CORO7: variants seen among roughly 807,000 people sequenced by gnomAD.
CORO7 encodes coronin-7.
Under a neutral mutation model 126.6 loss-of-function variants are expected in CORO7, and 107 were observed. The ratio of observed to expected loss-of-function variants is 0.85; its 90% CI spans 0.72 to 0.99. CORO7 has a LOEUF of 0.99. Among genes scored for constraint, CORO7 ranks in the 50% least tolerant of loss-of-function variants. The pLI, the probability that CORO7 is intolerant of heterozygous loss-of-function variation, is 0.00. For missense variants in CORO7, 1,314 were observed against 1,255.8 expected (o/e 1.05, Z -0.70); for synonymous variants, 603 against 536.8 (o/e 1.12, Z -1.70).
chr16:4,409,186 C>T (rs1316278339), intron 3 of CORO7, among the ~76,000 whole-genome samples: 2 of 152,182 alleles, frequency 1.3e-5, no homozygotes, highest in African/African-American at 4.8e-5. Context: ...CCCAACAGGG[C>T]TGAGCAGGAC....
intron 6 of CORO7, 31 bp from the exon 7 acceptor site, chr16:4,395,370 C>A (rs200435882): frequency 1.2e-6 from 2 of 1,613,722 alleles, no homozygotes; most frequent in African/African-American, 1.3e-5. Flanking sequence ...AAACAACTTG[C>A]GATTAGGGCT....
intron 3 of CORO7, among the ~76,000 whole-genome samples, chr16:4,409,732 C>T (rs1250372841): frequency 1.3e-5 from 2 of 152,234 alleles, no homozygotes; most frequent in African/African-American, 2.4e-5. Context: ...ACATCAGAAA[C>T]GCACCCAGAA....
chr16:4,388,052 A>C lies in CORO7; in HGVS notation c.719T>G (p.Val240Gly). The change falls in exon 9 of 28, where the codon GTG (valine) becomes GGG (glycine). Residue 240 changes from valine to glycine, a missense_variant. Transcript: ENST00000251166. Reference sequence around the variant, plus strand: ...GAAGAACCGCGTGTCCCACAGCTTCACTTCGCGCTCACGCATCTGCAGGGA... The same window carrying C: ...GAAGAACCGCGTGTCCCACAGCTTCCCTTCGCGCTCACGCATCTGCAGGGA... ...TGFNQMRERE[V>G]KLWDTRFFSS... is the part of the protein sequence containing the mutation. 6.2e-7 allele frequency: 1 copy of C among 1,612,862 alleles called. No homozygotes were observed. Among genetic ancestry groups the C allele is most frequent in the Non-Finnish European group, 8.5e-7 (1 of 1,179,806 alleles).
chr16:4,381,036 C>CA, intron 9 of CORO7: 1 of 1,610,578 alleles, frequency 6.2e-7, no homozygotes, highest in East Asian at 2.2e-5. Context: ...TGCCACCCGA[C>CA]ACGGTGGGGC....
intron 6 of CORO7, among the ~76,000 whole-genome samples, chr16:4,399,105 C>T (rs2055708386): frequency 6.6e-6 from 1 of 152,084 alleles, no homozygotes; most frequent in Non-Finnish European, 1.5e-5. Context: ...AAAAATAGAC[C>T]TAGCATGTCT....
intron 9 of CORO7, among the ~76,000 whole-genome samples, chr16:4,377,220 C>G (rs573128187): frequency 3.3e-5 from 5 of 152,142 alleles, no homozygotes; most frequent in African/African-American, 9.7e-5. Flanking sequence ...TTCCCACCCC[C>G]CGACGTCCCC....
chr16:4,415,245 C>T (rs2056363489), intron 1 of CORO7, among the ~76,000 whole-genome samples: 2 of 152,156 alleles, frequency 1.3e-5, no homozygotes, highest in Admixed American at 1.3e-4. Context: ...CCACTCTGGA[C>T]TCATCTGTCA....
chr16:4,360,417 G>A (rs1405040077), intron 20 of CORO7, 27 bp downstream of exon 20: 4 of 1,613,038 alleles, frequency 2.5e-6, no homozygotes, highest in Non-Finnish European at 3.4e-6. Flanking sequence ...CAGGTCTGAG[G>A]CCACTCCCCA....
chr16:4,378,079 G>C (rs559297432), intron 9 of CORO7, among the ~76,000 whole-genome samples: 2 of 152,302 alleles, frequency 1.3e-5, no homozygotes, highest in African/African-American at 4.8e-5. Flanking sequence ...CCCCAGTGCA[G>C]GGTGAAGAGC....
chr16:4,383,973 CG>C (rs1567277283), intron 9 of CORO7, among the ~76,000 whole-genome samples: 1 of 152,202 alleles, frequency 6.6e-6, no homozygotes, highest in Non-Finnish European at 1.5e-5. Flanking sequence ...TACAGCGTCC[CG>C]GGAGAGCCAA....
intron 25 of CORO7, chr16:4,357,631 C>T (rs899413494): frequency 6.9e-5 from 25 of 359,824 alleles, no homozygotes; most frequent in African/African-American, 4.4e-4. Context: ...GCTGGGATTA[C>T]AGGCATGAGC....
chr16:4,359,568 G>T lies in CORO7; in HGVS notation c.2162C>A (p.Pro721His). The T allele has an allele frequency of 6.2e-7, 1 of 1,612,456 alleles. No homozygotes were observed. Residue 721 changes from proline (P) to histidine (H), a missense_variant, in exon 22 of 28, where the codon CCC (proline) becomes CAC (histidine). Coordinates refer to ENST00000251166, the MANE Select transcript of CORO7 (RefSeq NM_024535.5). ...CACGTCCAGGCCCAACACTGCCAAG[G>T]GTCCGCCGGCCAGGGCCTCAGCTTC... ...LYEAEALAGG[P>H]LAVLGLDVAP... is the part of the protein sequence containing the mutation.
Position 4,407,634 on chromosome 16 carries a change from G to C in CORO7, c.354C>G (p.Pro118=), listed in dbSNP as rs369013532. The change falls in exon 5 of 28, where the codon CCC becomes CCG. Residue 118 remains proline (P), a synonymous_variant. Coordinates refer to ENST00000251166, the MANE Select transcript of CORO7 (RefSeq NM_024535.5). ...GGTCCTCGGGGCCCAGCACCACCCC[G>C]GGTGCTGAGGGCAGGGCCTGGCCAG... ...PGPGQALPSA[P]GVVLGPEDLP... 6.2e-7 allele frequency: 1 copy of C among 1,609,312 alleles called. No homozygotes were observed. The highest frequency in any genetic ancestry group is 1.7e-5 in the Admixed American group (1 of 59,296).
At position 4,383,151 on chromosome 16, in the gene CORO7, G is replaced by A. The variant is rs1010911907; in HGVS notation, c.785+4835C>T. The A allele has an allele frequency of 1.5e-4, 71 of 473,494 alleles. 1 individual carries two copies. In the East Asian group the frequency reaches 2.1e-3, roughly 14 times the overall value. 29.3% of individuals were successfully genotyped at this position (473,494 alleles called of 1,614,324 possible). ...GAGGACAGTGTCCGCCCTGCCCTCC[G>A]CAACGTGCAGTCCCTGGGCACGGCG... On this transcript the variant is annotated intron_variant, in intron 9 of 27. Coordinates refer to ENST00000251166, the MANE Select transcript of CORO7 (RefSeq NM_024535.5).
In CORO7 at chr16:4,374,732, G is replaced by A. The variant is rs748063770; in HGVS notation, c.786-9187C>T. Among the ~76,000 whole-genome samples the A allele has an allele frequency of 7.9e-5, 12 of 152,258 alleles. No individual in the cohort carries two copies. The East Asian group carries it at 1.5e-3, about 20-fold the overall frequency. Reference sequence around the variant, plus strand: ...ACCCCAGGGGCGCCATTTCTGCCACGGGTTGGCCAAGAACCCTGGGTGATT... The same window carrying A: ...ACCCCAGGGGCGCCATTTCTGCCACAGGTTGGCCAAGAACCCTGGGTGATT... On this transcript the variant is annotated intron_variant, in intron 9 of 27. Coordinates refer to ENST00000251166, the MANE Select transcript of CORO7 (RefSeq NM_024535.5).
intron 26 of CORO7, chr16:4,355,716 G>A (rs1373766412): frequency 2.5e-5 from 6 of 242,002 alleles, no homozygotes; most frequent in African/African-American, 8.9e-5. Flanking sequence ...TGATCCGCCC[G>A]CCTCGGCCTC....
intron 26 of CORO7, 41 bp from the exon 27 acceptor site, chr16:4,355,413 A>G: frequency 1.3e-6 from 2 of 1,566,744 alleles, no homozygotes; most frequent in African/African-American, 1.4e-5. Flanking sequence ...AGGGAATAGG[A>G]CTCCCTGTTC....
rs36056990 is a variant in CORO7, at chr16:4,362,694, C to T, written c.1320G>A (p.Thr440=). The T allele has an allele frequency of 2.7e-3, 4,023 of 1,465,416 alleles. 52 individuals are homozygous for T. The African/African-American group carries it at 0.04, about 15-fold the overall frequency. The allele number at this position is 1,465,416 out of a possible 1,614,324, so 90.8% of individuals were successfully genotyped here. A position where few individuals can be genotyped will look rare whatever the true frequency, so the allele number is the denominator to read the frequency against. Reference sequence around the variant, plus strand: ...AGAGTGAGGGCCCCAGGCTGGAGGGCGTGGAGGGCGAGGTCAGCGAACTGG... The same window carrying T: ...AGAGTGAGGGCCCCAGGCTGGAGGGTGTGGAGGGCGAGGTCAGCGAACTGG... The part of the protein sequence containing the change: ...SPPSSLTSPS[T]PSSLGPSLSS... Residue 440 remains threonine, a synonymous_variant, in exon 15 of 28, where the codon ACG becomes ACA. Coordinates refer to ENST00000251166, the MANE Select transcript of CORO7 (RefSeq NM_024535.5). This position sits in a 1 kb window ranked among gnomAD's most constrained non-coding sequence, Gnocchi z 5.3.
At chr16:4,381,027 G>C in intron 9 of CORO7, 1 of 1,610,066 alleles carries the variant, frequency 6.2e-7, no homozygotes, top group South Asian at 1.1e-5. Flanking sequence ...CCCGAGACGT[G>C]CCACCCGACA....
Sources: gnomAD v4.1 joint callset for allele counts (sites outside exome capture counted in the v4.1 genomes callset) on GRCh38, gnomAD v4.1.1 for gene constraint, Gnocchi (gnomAD v3.1) non-coding constraint, MANE v1.5 for transcripts, NCBI Gene and HGNC (gene_info 2026-07-23, HGNC 2026-07-21) for gene names.